Variants in IFT43 observed in about 807,000 individuals in gnomAD.
The protein encoded by IFT43 is intraflagellar transport 43.
In IFT43, 33 loss-of-function variants were observed where a neutral mutation model predicts 32.3. That is an observed-to-expected ratio of 1.02 (90% CI 0.77 to 1.37). IFT43 has a LOEUF of 1.37. Among genes scored for constraint, IFT43 ranks in the 40% most tolerant of loss-of-function variants. The pLI, the probability that IFT43 is intolerant of heterozygous loss-of-function variation, is 0.00. For missense variants in IFT43, 274 were observed against 265.9 expected (o/e 1.03, Z -0.21); for synonymous variants, 93 against 98.2 (o/e 0.95, Z 0.31).
At chr14:76,066,515 T>C (rs142137156) in intron 5 of IFT43, among the ~76,000 whole-genome samples, 166 of 152,374 alleles carry the variant, frequency 1.1e-3, no homozygotes, top group African/African-American at 3.6e-3. Context: ...TACATATAAC[T>C]AGTTTCTAGA....
chr14:76,054,206 T>C (rs943423899), intron 3 of IFT43, among the ~76,000 whole-genome samples: 1 of 152,144 alleles, frequency 6.6e-6, no homozygotes, highest in Admixed American at 6.6e-5. Flanking sequence ...TTGAAAAAGC[T>C]TCCGGGAATG....
chr14:76,083,419 G>T (rs75159334), intron 8 of IFT43, 39 bp from the exon 9 acceptor site: 1 of 1,613,920 alleles, frequency 6.2e-7, no homozygotes, highest in Non-Finnish European at 8.5e-7. Flanking sequence ...GAGGGAAAAG[G>T]CCTTTCTTTG....
intron 2 of IFT43, among the ~76,000 whole-genome samples, chr14:75,995,162 A>C (rs1035391485): frequency 2.0e-5 from 3 of 152,166 alleles, no homozygotes; most frequent in Non-Finnish European, 4.4e-5. Context: ...GAGGACATGG[A>C]GACTTTAAGA....
chr14:76,058,272 C>T (rs1414434518), intron 3 of IFT43: 1 of 279,718 alleles, frequency 3.6e-6, no homozygotes, highest in Non-Finnish European at 6.9e-6. Context: ...TGACAGCTAA[C>T]AACACCAAAT....
intron 2 of IFT43, among the ~76,000 whole-genome samples, chr14:75,999,200 T>A (rs1182648623): frequency 1.4e-5 from 2 of 144,476 alleles, no homozygotes; most frequent in South Asian, 4.3e-4. Context: ...TATATATATA[T>A]AATATTCATT....
chr14:76,082,527 G>A (rs2037529682), intron 6 of IFT43, 90 bp from the exon 7 acceptor site: 2 of 1,466,490 alleles, frequency 1.4e-6, no homozygotes, highest in South Asian at 1.1e-5. Context: ...ATCCCCTGCT[G>A]TATACAAGGT....
chr14:76,059,433 G>A, intron 5 of IFT43, 60 bp downstream of exon 5: 1 of 1,520,918 alleles, frequency 6.6e-7, no homozygotes, highest in Non-Finnish European at 9.1e-7. Context: ...ACATTTCCTG[G>A]GCTACAGCTA....
At chr14:76,025,246 G>A (rs1193275909) in intron 3 of IFT43, among the ~76,000 whole-genome samples, 1 of 152,026 alleles carries the variant, frequency 6.6e-6, no homozygotes, top group Non-Finnish European at 1.5e-5. Context: ...TCTATGAGGA[G>A]AACTACAAAA....
At chr14:76,076,839 G>A in intron 5 of IFT43, 1 of 855,720 alleles carries the variant, frequency 1.2e-6, no homozygotes, top group Non-Finnish European at 1.9e-6. Context: ...ACATCCAACA[G>A]CTCACATCTT....
At chr14:76,070,006 C>T (rs1339835021) in intron 5 of IFT43, among the ~76,000 whole-genome samples, 1 of 152,216 alleles carries the variant, frequency 6.6e-6, no homozygotes, top group Non-Finnish European at 1.5e-5. Flanking sequence ...TGGGTTGAGC[C>T]ACTTCTAGCC....
intron 5 of IFT43, among the ~76,000 whole-genome samples, chr14:76,063,399 C>T (rs1219373639): frequency 1.3e-5 from 2 of 152,212 alleles, no homozygotes; most frequent in Non-Finnish European, 2.9e-5. Flanking sequence ...CATTAGCTCC[C>T]CAGTCTTTCA....
chr14:75,990,904 T>C (rs1435728845), intron 2 of IFT43, among the ~76,000 whole-genome samples: 1 of 152,168 alleles, frequency 6.6e-6, no homozygotes, highest in African/African-American at 2.4e-5. Context: ...AACAACTATT[T>C]ATTGAAGCAC....
Position 76,083,091 on chromosome 14 carries a change from T to C in IFT43, c.445-136T>C. The stretch of plus-strand genomic sequence containing the variant: ...GCATGTGGTTCATTCATGATTTTAC[T>C]CTCTTGTGAAGGCATTCCTGCAGGT... On this transcript the variant is annotated intron_variant, in intron 7 of 8. Transcript: ENST00000314067. 4 of 863,744 alleles carry C rather than the reference T, an allele frequency of 4.6e-6. No homozygotes were observed. In the South Asian group the frequency reaches 5.7e-5, roughly 12 times the overall value. 53.5% of individuals were successfully genotyped at this position (863,744 alleles called of 1,614,324 possible).
chr14:75,999,280 T>TAAATTC (rs2035836675), intron 2 of IFT43, among the ~76,000 whole-genome samples: 2 of 23,732 alleles, frequency 8.4e-5, no homozygotes, highest in Non-Finnish European at 1.7e-4. Context: ...TATGTATATA[T>TAAATTC]ATTTTTTTTT....
At chr14:76,020,230 C>T (rs1182631113) in intron 2 of IFT43, among the ~76,000 whole-genome samples, 1 of 152,208 alleles carries the variant, frequency 6.6e-6, no homozygotes, top group Non-Finnish European at 1.5e-5. Flanking sequence ...GTCTTGGCCT[C>T]CCAAAGTGCT....
chr14:75,988,089 C>A (rs2035563742), intron 1 of IFT43, among the ~76,000 whole-genome samples: 1 of 152,198 alleles, frequency 6.6e-6, no homozygotes, highest in Non-Finnish European at 1.5e-5. Flanking sequence ...AGGTATCTGC[C>A]CATTCTAGAG....
At chr14:76,023,534 G>T (rs181456638) in intron 3 of IFT43, among the ~76,000 whole-genome samples, 2 of 152,358 alleles carry the variant, frequency 1.3e-5, no homozygotes, top group African/African-American at 4.8e-5. Context: ...GAATTCGTAT[G>T]TGTAAAATAT....
At chr14:76,058,851 G>A (rs2037076288) in intron 4 of IFT43, 177 bp downstream of exon 4, 2 of 1,523,778 alleles carry the variant, frequency 1.3e-6, no homozygotes, top group East Asian at 2.4e-5. Flanking sequence ...TCAACTGAAG[G>A]TCTGGACCCT....
intron 7 of IFT43, 52 bp from the exon 8 acceptor site, chr14:76,083,175 C>T: frequency 6.2e-7 from 1 of 1,608,588 alleles, no homozygotes; most frequent in Non-Finnish European, 8.5e-7. Flanking sequence ...GAAAGAGTTG[C>T]CTGAAAGCCC....
Sources: allele counts gnomAD v4.1 joint callset (sites outside exome capture counted in the v4.1 genomes callset), GRCh38; gene constraint gnomAD v4.1.1; transcripts MANE v1.5; gene names NCBI Gene and HGNC (gene_info 2026-07-23, HGNC 2026-07-21).